CHN2: variants seen among roughly 807,000 people sequenced by gnomAD.
CHN2 encodes chimerin 2.
In CHN2, 35 loss-of-function variants were observed where a neutral mutation model predicts 56.3. That is an observed-to-expected ratio of 0.62 (90% CI 0.47 to 0.82). The LOEUF is 0.82. Among genes scored for constraint, CHN2 ranks in the 40% least tolerant of loss-of-function variants. The pLI is 0.00. For synonymous variants in CHN2, 210 were observed against 212.8 expected (o/e 0.99, Z 0.12); for missense variants, 491 against 580.5 (o/e 0.85, Z 1.58).
At chr7:29,231,976 C>T (rs1259042046) in intron 1 of CHN2, among the ~76,000 whole-genome samples, 1 of 152,084 alleles carries the variant, frequency 6.6e-6, no homozygotes, top group Admixed American at 6.6e-5. Context: ...AAGGGTAAAC[C>T]GCTTTTCCTT....
intron 6 of CHN2, among the ~76,000 whole-genome samples, chr7:29,434,745 G>A (rs545122515): frequency 1.7e-3 from 258 of 152,254 alleles, no homozygotes; most frequent in Non-Finnish European, 2.5e-3. Flanking sequence ...GGTCACCACA[G>A]GTCTAAAGAC....
chr7:29,298,018 G>A (rs1793329221), intron 1 of CHN2, among the ~76,000 whole-genome samples: 4 of 152,104 alleles, frequency 2.6e-5, no homozygotes, highest in Admixed American at 2.6e-4. Flanking sequence ...AGAAGGAAGA[G>A]CATCTTCCTT....
intron 1 of CHN2, among the ~76,000 whole-genome samples, chr7:29,285,297 A>G (rs183768787): frequency 3.0e-4 from 45 of 152,296 alleles, no homozygotes; most frequent in Admixed American, 2.6e-3. Flanking sequence ...CTCTTTTTCC[A>G]TAGGAGAATG....
intron 1 of CHN2, among the ~76,000 whole-genome samples, chr7:29,288,612 G>A (rs1792341444): frequency 6.6e-6 from 1 of 152,186 alleles, no homozygotes; most frequent in Admixed American, 6.5e-5. Context: ...CATTTCAGCT[G>A]AGAATAGCAG....
At chr7:29,378,240 G>A (rs773276228) in intron 3 of CHN2, among the ~76,000 whole-genome samples, 1 of 152,098 alleles carries the variant, frequency 6.6e-6, no homozygotes, top group Non-Finnish European at 1.5e-5. Context: ...TCTTAAGTTG[G>A]CATCAGTATG....
chr7:29,197,001 A>G (rs1465771347), intron 1 of CHN2, among the ~76,000 whole-genome samples: 1 of 152,232 alleles, frequency 6.6e-6, no homozygotes, highest in Non-Finnish European at 1.5e-5. Context: ...CCAATTAATC[A>G]GGCACTTTGT....
At chr7:29,490,257 T>TCCCC (rs1278178949) in intron 7 of CHN2, among the ~76,000 whole-genome samples, 1 of 152,134 alleles carries the variant, frequency 6.6e-6, no homozygotes, top group East Asian at 1.9e-4. Flanking sequence ...CACCATCACT[T>TCCCC]CCCCACCTGC....
At chr7:29,252,592 T>TTTG (rs1788697389) in intron 1 of CHN2, among the ~76,000 whole-genome samples, 2 of 39,186 alleles carry the variant, frequency 5.1e-5, no homozygotes, top group African/African-American at 3.4e-4. Context: ...TTTTTTTTTT[T>TTTG]TTTTTTTTTT....
At chr7:29,261,807 A>G (rs1232921189) in intron 1 of CHN2, among the ~76,000 whole-genome samples, 2 of 152,224 alleles carry the variant, frequency 1.3e-5, no homozygotes, top group African/African-American at 4.8e-5. Flanking sequence ...CTCTGCCCTC[A>G]CAAAATTGTA....
intron 3 of CHN2, among the ~76,000 whole-genome samples, chr7:29,382,672 T>C (rs1800608073): frequency 6.6e-6 from 1 of 152,096 alleles, no homozygotes; most frequent in Non-Finnish European, 1.5e-5. Context: ...AAGCCAACAA[T>C]CCCAATCCCA....
intron 2 of CHN2, among the ~76,000 whole-genome samples, chr7:29,186,189 G>C (rs531808968): frequency 6.6e-6 from 1 of 152,068 alleles, no homozygotes. Context: ...GGGCCCTTGG[G>C]GTCAGGAGTA....
chr7:29,498,583 A>G (rs867946051), intron 8 of CHN2, among the ~76,000 whole-genome samples: 65 of 152,282 alleles, frequency 4.3e-4, no homozygotes, highest in African/African-American at 1.5e-3. Context: ...CTTAAGTGCT[A>G]TTTTATAAAG....
At chr7:29,479,755 T>C (rs1378843636) in intron 6 of CHN2, 9 of 1,154,708 alleles carry the variant, frequency 7.8e-6, no homozygotes, top group Non-Finnish European at 9.7e-6. Context: ...GAGAGACCTC[T>C]CCTTTGCAAT....
chr7:29,371,752 C>T (rs1799632823), intron 3 of CHN2, among the ~76,000 whole-genome samples: 1 of 152,196 alleles, frequency 6.6e-6, no homozygotes, highest in South Asian at 2.1e-4. Context: ...CATTGGATGA[C>T]ACCTAACTTC....
intron 2 of CHN2, among the ~76,000 whole-genome samples, chr7:29,359,143 A>G (rs547609664): frequency 3.9e-5 from 6 of 152,260 alleles, no homozygotes; most frequent in East Asian, 1.9e-4. Context: ...TCCTGACTCT[A>G]TCACTGTGGT....
chr7:29,212,075 G>C (rs1200416249), intron 1 of CHN2, among the ~76,000 whole-genome samples: 1 of 152,024 alleles, frequency 6.6e-6, no homozygotes, highest in South Asian at 2.1e-4. Context: ...TATTTCAGAT[G>C]GTATCTCTAA....
chr7:29,267,403 T>C (rs1790239545), intron 1 of CHN2, among the ~76,000 whole-genome samples: 1 of 151,968 alleles, frequency 6.6e-6, no homozygotes, highest in Non-Finnish European at 1.5e-5. Flanking sequence ...CCACCACACC[T>C]GGCTAATTTT....
chr7:29,250,574 T>G (rs1407398593), intron 1 of CHN2, among the ~76,000 whole-genome samples: 2 of 152,198 alleles, frequency 1.3e-5, no homozygotes, highest in Non-Finnish European at 2.9e-5. Context: ...ACTTTACAAA[T>G]AATTAGACTA....
chr7:29,195,122 G>A (rs1783509863), intron 1 of CHN2, 132 bp downstream of exon 1: 4 of 923,806 alleles, frequency 4.3e-6, no homozygotes, highest in East Asian at 6.4e-5. Flanking sequence ...CAGGCGTCCG[G>A]GGTGATACTT....
Sources: allele counts gnomAD v4.1 joint callset (sites outside exome capture counted in the v4.1 genomes callset), GRCh38; gene constraint gnomAD v4.1.1; transcripts MANE v1.5; gene names NCBI Gene and HGNC (gene_info 2026-07-23, HGNC 2026-07-21).